The following MYH15 variants were observed in gnomAD, a reference collection of about 807,000 sequenced individuals.
MYH15 encodes the protein myosin-15.
A neutral mutation model predicts 240.5 loss-of-function variants in MYH15; 227 were observed. The observed-to-expected ratio is 0.94, with a 90% CI of 0.85 to 1.05. MYH15 has a LOEUF of 1.05. MYH15 is among the 50% of genes least tolerant of loss of function. The probability of loss-of-function intolerance (pLI) is 0.00; values close to 1 mark genes in which losing one functional copy is unlikely to be tolerated. For synonymous variants in MYH15, 785 were observed against 796.7 expected (o/e 0.99, Z 0.25); for missense variants, 2,217 against 2,247.5 (o/e 0.99, Z 0.27).
Position 108,510,550 on chromosome 3 carries a change from C to CA in MYH15, c.-21dup, listed in dbSNP as rs752868848. On this transcript the variant is annotated 5_prime_UTR_variant, in exon 1 of 41. Transcript: ENST00000693548. ...ATCCATCTTTATTAAAGCAATCCAC[C>CA]AAAAAAAGGCCCTAAACGTGAGTAG... 9 of 1,603,526 alleles carry CA rather than the reference C, an allele frequency of 5.6e-6. No homozygotes were observed. Among genetic ancestry groups the CA allele is most frequent in the Non-Finnish European group, 7.7e-6 (9 of 1,175,444 alleles).
chr3:108,462,035 AT>A (rs371775908), intron 16 of MYH15: 199 of 152,148 alleles, frequency 1.3e-3, no homozygotes, highest in African/African-American at 4.6e-3. Flanking sequence ...CAGAATTTCC[AT>A]TTTTCAAAAG....
upstream of MYH15, among the ~76,000 whole-genome samples, chr3:108,530,945 T>C (rs1427906130): frequency 1.3e-5 from 2 of 152,214 alleles, no homozygotes; most frequent in African/African-American, 4.8e-5. Flanking sequence ...GGAATAGCTG[T>C]TCTGGTTCAA....
intron 7 of MYH15, among the ~76,000 whole-genome samples, chr3:108,493,688 G>A (rs2083370505): frequency 1.3e-5 from 2 of 152,140 alleles, no homozygotes; most frequent in Non-Finnish European, 2.9e-5. Flanking sequence ...TACTGCAACA[G>A]CTCTGACATA....
At position 108,415,120 on chromosome 3, in the gene MYH15, A is replaced by T. The variant is rs748482885; in HGVS notation, c.3949-692T>A. ...TAGTAGAGGCTTCTATATGTATTGG[A>T]CGGCCCTGCTGGGTTTAATAAACAT... On this transcript the variant is annotated intron_variant, in intron 29 of 40. Transcript: ENST00000693548. Among the ~76,000 whole-genome samples, 26 of 152,162 alleles carry T rather than the reference A, an allele frequency of 1.7e-4. 1 individual carries two copies. The highest frequency in any genetic ancestry group is 3.4e-4 in the Non-Finnish European group (23 of 68,036).
intron 14 of MYH15, 116 bp from the exon 15 acceptor site, chr3:108,464,930 A>T: frequency 1.2e-6 from 1 of 823,092 alleles, no homozygotes; most frequent in Non-Finnish European, 1.8e-6. Context: ...AAGAATATTC[A>T]CTGCATAAAA....
At chr3:108,448,450 C>T (rs537409419) in intron 21 of MYH15, among the ~76,000 whole-genome samples, 34 of 151,874 alleles carry the variant, frequency 2.2e-4, no homozygotes, top group African/African-American at 8.0e-4. Flanking sequence ...GCAGGGATAC[C>T]TATAGTTACA....
intron 10 of MYH15, 131 bp from the exon 11 acceptor site, chr3:108,485,360 G>A (rs376459561): frequency 9.9e-7 from 1 of 1,006,294 alleles, no homozygotes; most frequent in Non-Finnish European, 1.5e-6. Context: ...TCAAAGCAAT[G>A]CAAATCAGCC....
chr3:108,493,704 A>C (rs2083370600), intron 7 of MYH15, among the ~76,000 whole-genome samples: 1 of 152,200 alleles, frequency 6.6e-6, no homozygotes, highest in Admixed American at 6.5e-5. Flanking sequence ...ACATAAAATC[A>C]CAAGAAAAGC....
At chr3:108,469,527 T>C (rs920296262) in intron 14 of MYH15, among the ~76,000 whole-genome samples, 1 of 152,214 alleles carries the variant, frequency 6.6e-6, no homozygotes, top group Non-Finnish European at 1.5e-5. Context: ...AGCCATGAAG[T>C]ATTGTCATAA....
chr3:108,517,596 G>C (rs969862723), intron 1 of MYH15, among the ~76,000 whole-genome samples: 4 of 148,614 alleles, frequency 2.7e-5, no homozygotes, highest in African/African-American at 1.0e-4. Flanking sequence ...ACTTCCCAAA[G>C]TGCTGGGATT....
At chr3:108,541,909 T>A in the MYH15 span, among the ~76,000 whole-genome samples, 1 of 152,160 alleles carries the variant, frequency 6.6e-6, no homozygotes, top group Non-Finnish European at 1.5e-5. Context: ...AATACTTGCA[T>A]TTCTGTAGCC....
intron 1 of MYH15, among the ~76,000 whole-genome samples, chr3:108,517,170 T>C (rs2083580122): frequency 6.6e-6 from 1 of 152,168 alleles, no homozygotes; most frequent in African/African-American, 2.4e-5. Context: ...CATTGACATT[T>C]CTCTTTTGCT....
chr3:108,436,789 G>A (rs780217875), intron 25 of MYH15, among the ~76,000 whole-genome samples: 28 of 151,984 alleles, frequency 1.8e-4, no homozygotes, highest in Admixed American at 4.6e-4. Flanking sequence ...CACCCACCTC[G>A]GAAACCTGAC....
At chr3:108,531,776 CTAAA>C (rs71103476), upstream of MYH15, among the ~76,000 whole-genome samples, 2,853 of 148,220 alleles carry the variant, frequency 0.019, 101 homozygotes, top group African/African-American at 0.067. Flanking sequence ...GACCCCATCT[CTAAA>C]TAAATAAATA....
chr3:108,522,914 C>A (rs2107269371), intron 1 of MYH15, among the ~76,000 whole-genome samples: 1 of 152,110 alleles, frequency 6.6e-6, no homozygotes, highest in East Asian at 1.9e-4. Flanking sequence ...ATCTTCCACG[C>A]AGATTTGCTA....
chr3:108,545,030 G>T, the MYH15 span, among the ~76,000 whole-genome samples: 1 of 152,070 alleles, frequency 6.6e-6, no homozygotes, highest in African/African-American at 2.4e-5. Context: ...AATTAAAGAA[G>T]TAACAATGTA....
At chr3:108,519,413 T>C (rs1052174665) in intron 1 of MYH15, among the ~76,000 whole-genome samples, 1 of 152,204 alleles carries the variant, frequency 6.6e-6, no homozygotes, top group Non-Finnish European at 1.5e-5. Flanking sequence ...AGTTCTTTAA[T>C]AACAGCTGGC....
chr3:108,413,750 T>C (rs1371433416), intron 30 of MYH15, among the ~76,000 whole-genome samples: 1 of 152,232 alleles, frequency 6.6e-6, no homozygotes, highest in African/African-American at 2.4e-5. Context: ...CTAGAAGACA[T>C]GACGACAGAT....
chr3:108,464,586 A>G (rs12488437), intron 15 of MYH15, 52 bp downstream of exon 15: 115,204 of 1,519,668 alleles, frequency 0.076, 11,648 homozygotes, highest in East Asian at 0.57. Flanking sequence ...GGCTGAGCGC[A>G]TTTGAAACAA....
Sources: allele counts gnomAD v4.1 joint callset (sites outside exome capture counted in the v4.1 genomes callset), GRCh38; gene constraint gnomAD v4.1.1; transcripts MANE v1.5; gene names NCBI Gene and HGNC (gene_info 2026-07-23, HGNC 2026-07-21).